Variants in VWDE observed in about 807,000 individuals in gnomAD.
VWDE encodes the protein von Willebrand factor D and EGF domains.
A neutral mutation model predicts 178.4 loss-of-function variants in VWDE; 207 were observed. That is an observed-to-expected ratio of 1.16 (90% CI 1.04 to 1.30). The LOEUF is 1.30. Among genes scored for constraint, VWDE ranks in the 50% most tolerant of loss-of-function variants. The pLI is 0.00. For synonymous variants in VWDE, 738 were observed against 651.4 expected (o/e 1.13, Z -2.02); for missense variants, 2,287 against 1,901.3 (o/e 1.20, Z -3.77).
intron 10 of VWDE, among the ~76,000 whole-genome samples, chr7:12,371,212 T>A (rs1390286876): frequency 6.6e-6 from 1 of 152,212 alleles, no homozygotes; most frequent in Non-Finnish European, 1.5e-5. Flanking sequence ...ATAATAATTA[T>A]TTAATACAGA....
chr7:12,343,307 A>T (rs145620357), intron 21 of VWDE, 129 bp from the exon 22 acceptor site: 1 of 577,476 alleles, frequency 1.7e-6, no homozygotes. Flanking sequence ...CTCTTTTACT[A>T]CAAAACTTAG....
At chr7:12,356,569 A>G (rs1467736736) in intron 17 of VWDE, among the ~76,000 whole-genome samples, 2 of 146,286 alleles carry the variant, frequency 1.4e-5, no homozygotes, top group Non-Finnish European at 3.0e-5. Flanking sequence ...TAACTTTTCT[A>G]AAAAAAAAGT....
chr7:12,375,269 A>G (rs1461524947), intron 7 of VWDE, 42 bp from the exon 8 acceptor site: 2 of 1,345,006 alleles, frequency 1.5e-6, no homozygotes, highest in South Asian at 1.3e-5. Context: ...CCAAGAGAAT[A>G]TACTAACCAA....
intron 1 of VWDE, among the ~76,000 whole-genome samples, chr7:12,398,754 C>A (rs759287441): frequency 6.6e-6 from 1 of 152,094 alleles, no homozygotes; most frequent in African/African-American, 2.4e-5. Context: ...AACATGGATG[C>A]AAACGGAGGC....
At chr7:12,345,210 C>A (rs6972134) in intron 19 of VWDE, among the ~76,000 whole-genome samples, 1 of 151,754 alleles carries the variant, frequency 6.6e-6, no homozygotes, top group Non-Finnish European at 1.5e-5. Context: ...CTCAGCAGAC[C>A]CACTTTTGTT....
In VWDE at chr7:12,398,607, T is replaced by G. The variant is rs367846155; in HGVS notation, c.59-4829A>C. On this transcript the variant is annotated intron_variant, in intron 1 of 28. Coordinates refer to ENST00000275358, the MANE Select transcript of VWDE (RefSeq NM_001135924.3). ...AGCTGGAGCACCCTATAAAGCCCTC[T>G]TGCCTAGCAATACTCATTGTTTCAG... 2.3e-3 allele frequency among the ~76,000 whole-genome samples: 348 copies of G among 152,238 alleles called. 1 individual carries two copies. Among genetic ancestry groups the G allele is most frequent in the African/African-American group, 7.9e-3 (329 of 41,562 alleles).
chr7:12,358,236 T>C (rs1782372050), intron 16 of VWDE, among the ~76,000 whole-genome samples: 1 of 151,844 alleles, frequency 6.6e-6, no homozygotes, highest in South Asian at 2.1e-4. Flanking sequence ...TTAGCAGGCA[T>C]GGTGGTGGGT....
intron 1 of VWDE, among the ~76,000 whole-genome samples, chr7:12,397,664 G>A (rs941451643): frequency 9.2e-5 from 14 of 151,822 alleles, no homozygotes; most frequent in East Asian, 7.7e-4. Flanking sequence ...CACAAACTAC[G>A]CATCTGAAAA....
At chr7:12,387,462 A>G (rs940612864) in intron 3 of VWDE, among the ~76,000 whole-genome samples, 1 of 152,086 alleles carries the variant, frequency 6.6e-6, no homozygotes, top group Non-Finnish European at 1.5e-5. Flanking sequence ...CAATTTTTCT[A>G]ATAATACTGG....
At chr7:12,359,372 T>C (rs1309362554) in intron 16 of VWDE, among the ~76,000 whole-genome samples, 2 of 152,160 alleles carry the variant, frequency 1.3e-5, no homozygotes. Flanking sequence ...AATTCTCATT[T>C]CTTCCATTAA....
intron 26 of VWDE, among the ~76,000 whole-genome samples, chr7:12,336,637 C>A (rs1562458407): frequency 1.3e-5 from 2 of 152,156 alleles, no homozygotes; most frequent in African/African-American, 4.8e-5. Context: ...CTGTTATCTT[C>A]TCTTGGAAAG....
chr7:12,343,980 T>C (rs954989294), intron 21 of VWDE, among the ~76,000 whole-genome samples: 1 of 152,096 alleles, frequency 6.6e-6, no homozygotes, highest in African/African-American at 2.4e-5. Flanking sequence ...AATAAGCTAT[T>C]GCCCCTTGAA....
rs17165962 is a variant in VWDE at position 12,380,768 on chromosome 7, C to G, written c.542-35G>C. 10,064 of 1,548,066 alleles carry G rather than the reference C, an allele frequency of 6.5e-3. 600 individuals are homozygous for G. The African/African-American group carries it at 0.12, about 19-fold the overall frequency. On this transcript the variant is annotated intron_variant, in intron 4 of 28. Coordinates refer to ENST00000275358, the MANE Select transcript of VWDE (RefSeq NM_001135924.3). ...AAATGCATAATTTGTAACTGGGAAT[C>G]TTAGACAATGGAGACTGGCTTATGG... is the stretch of plus-strand genomic sequence containing the variant.
rs528370470 is a variant in VWDE at position 12,366,394 on chromosome 7, C to T, written c.2898+963G>A. 7.9e-5 allele frequency among the ~76,000 whole-genome samples: 12 copies of T among 152,106 alleles called. No individual in the cohort carries two copies. In the South Asian group the frequency reaches 8.3e-4, roughly 11 times the overall value. On this transcript the variant is annotated intron_variant, in intron 13 of 28. Coordinates refer to ENST00000275358, the MANE Select transcript of VWDE (RefSeq NM_001135924.3). The stretch of plus-strand genomic sequence containing the variant: ...CAAGAGAATATAAATCTACAAAATT[C>T]GCTCCTGGCACATCACTTAGTTTTC...
intron 1 of VWDE, among the ~76,000 whole-genome samples, chr7:12,394,546 A>G (rs565795830): frequency 6.6e-6 from 1 of 152,152 alleles, no homozygotes; most frequent in East Asian, 1.9e-4. Flanking sequence ...ACTTTCCAGC[A>G]CTAAAAGTGG....
At chr7:12,355,885 A>G (rs73680954) in intron 18 of VWDE, among the ~76,000 whole-genome samples, 2,593 of 152,318 alleles carry the variant, frequency 0.017, 63 homozygotes, top group African/African-American at 0.06. Flanking sequence ...ACAGGTTCCT[A>G]CATTGCTATA....
intron 5 of VWDE, 138 bp downstream of exon 5, chr7:12,380,348 A>AG: frequency 9.1e-7 from 1 of 1,098,262 alleles, no homozygotes; most frequent in Non-Finnish European, 1.2e-6. Context: ...CACAATTGCA[A>AG]GGAAAAAAAA....
intron 3 of VWDE, among the ~76,000 whole-genome samples, chr7:12,384,076 A>C (rs1288035181): frequency 6.6e-6 from 1 of 152,162 alleles, no homozygotes; most frequent in Non-Finnish European, 1.5e-5. Flanking sequence ...AACTTTATTC[A>C]TAATTGCCCA....
intron 18 of VWDE, 81 bp downstream of exon 18, chr7:12,356,030 C>T: frequency 9.3e-7 from 1 of 1,075,624 alleles, no homozygotes; most frequent in South Asian, 1.6e-5. Flanking sequence ...TCTTTAGGAC[C>T]ACACATTTGC....
Sources: allele counts gnomAD v4.1 joint callset (sites outside exome capture counted in the v4.1 genomes callset), GRCh38; gene constraint gnomAD v4.1.1; transcripts MANE v1.5; gene names NCBI Gene and HGNC (gene_info 2026-07-23, HGNC 2026-07-21).